Variants in OPCML observed in about 807,000 individuals in gnomAD.
OPCML encodes the protein opioid binding protein/cell adhesion molecule like, also known as opioid-binding protein/cell adhesion molecule.
A neutral mutation model predicts 37.8 loss-of-function variants in OPCML; 13 were observed. That is an observed-to-expected ratio of 0.34 (90% CI 0.22 to 0.55). The LOEUF (loss-of-function observed/expected upper bound fraction) is 0.55. Among genes scored for constraint, OPCML ranks in the 20% least tolerant of loss-of-function variants. The pLI, the probability that OPCML is intolerant of heterozygous loss-of-function variation, is 0.91. For missense variants in OPCML, 341 were observed against 435.6 expected (o/e 0.78, Z 1.93); for synonymous variants, 176 against 168.8 (o/e 1.04, Z -0.33).
At chr11:132,719,892 A>C (rs976372911) in intron 2 of OPCML, among the ~76,000 whole-genome samples, 20 of 151,914 alleles carry the variant, frequency 1.3e-4, no homozygotes, top group African/African-American at 4.8e-4. Context: ...CTCCACATGC[A>C]CTCCAGGAAG....
intron 1 of OPCML, chr11:133,360,363 C>G (rs1384210310): frequency 6.6e-6 from 1 of 152,246 alleles, no homozygotes; most frequent in African/African-American, 2.4e-5. Flanking sequence ...AGATTCCATG[C>G]CATTCCTTCA....
At chr11:132,955,267 A>G (rs2136706659) in intron 1 of OPCML, among the ~76,000 whole-genome samples, 1 of 152,238 alleles carries the variant, frequency 6.6e-6, no homozygotes, top group African/African-American at 2.4e-5. Flanking sequence ...AAGGTGTTGT[A>G]CAGCTGCCTG....
At chr11:133,458,734 GATGCACGTGTGTGTATA>G (rs1471560174) in intron 1 of OPCML, among the ~76,000 whole-genome samples, 1 of 108,222 alleles carries the variant, frequency 9.2e-6, no homozygotes, top group African/African-American at 5.1e-5. Context: ...TATACACATA[GATGCACGTGTGTGTATA>G]TATACACATA....
chr11:133,488,992 C>A (rs1947594065), intron 1 of OPCML, among the ~76,000 whole-genome samples: 2 of 145,502 alleles, frequency 1.4e-5, no homozygotes, highest in South Asian at 4.3e-4. Context: ...AGGACACCCT[C>A]TTCACTAAAT....
intron 2 of OPCML, among the ~76,000 whole-genome samples, chr11:132,686,288 C>T (rs920815151): frequency 5.9e-5 from 9 of 152,174 alleles, no homozygotes; most frequent in Non-Finnish European, 7.3e-5. Context: ...AACCACAGTG[C>T]CTTGCCTCGG....
intron 2 of OPCML, among the ~76,000 whole-genome samples, chr11:132,798,148 G>A (rs1207707678): frequency 1.3e-5 from 2 of 152,022 alleles, no homozygotes; most frequent in Non-Finnish European, 2.9e-5. Context: ...TCGGCTCACC[G>A]CAACCTCCGC....
intron 3 of OPCML, among the ~76,000 whole-genome samples, chr11:132,566,232 T>C (rs2096422758): frequency 6.6e-6 from 1 of 152,236 alleles, no homozygotes; most frequent in Non-Finnish European, 1.5e-5. Context: ...TAATCTTTTA[T>C]GAAATCTTTG....
At chr11:132,895,132 T>C (rs1269882623) in intron 2 of OPCML, among the ~76,000 whole-genome samples, 1 of 152,208 alleles carries the variant, frequency 6.6e-6, no homozygotes, top group East Asian at 1.9e-4. Context: ...AAGACTCTAC[T>C]TCTAACAGCA....
intron 1 of OPCML, chr11:133,418,273 G>A: frequency 1.0e-6 from 1 of 985,370 alleles, no homozygotes; most frequent in Non-Finnish European, 1.2e-6. Flanking sequence ...CCATTCTAGA[G>A]TGACATGGGA....
intron 1 of OPCML, among the ~76,000 whole-genome samples, chr11:133,002,476 T>C (rs1486257899): frequency 6.6e-6 from 1 of 152,214 alleles, no homozygotes; most frequent in Non-Finnish European, 1.5e-5. Context: ...TGAGTAAGCC[T>C]CTTAACACTT....
At chr11:133,096,118 AT>A (rs1369980287) in intron 1 of OPCML, among the ~76,000 whole-genome samples, 1 of 126,704 alleles carries the variant, frequency 7.9e-6, no homozygotes, top group Non-Finnish European at 1.6e-5. Context: ...GCAACAAGGT[AT>A]TTGTGCACAA....
intron 1 of OPCML, among the ~76,000 whole-genome samples, chr11:133,323,397 G>A (rs1216734846): frequency 5.3e-5 from 8 of 152,286 alleles, no homozygotes; most frequent in Non-Finnish European, 1.0e-4. Flanking sequence ...AAATCTGAAT[G>A]TAAATGGAAA....
chr11:133,506,323 C>T, intron 1 of OPCML, among the ~76,000 whole-genome samples: 1 of 152,128 alleles, frequency 6.6e-6, no homozygotes, highest in East Asian at 1.9e-4. Flanking sequence ...CAAAGAACTC[C>T]CCAGAGCCCT....
intron 1 of OPCML, among the ~76,000 whole-genome samples, chr11:133,161,981 C>CTTTTTTTT: frequency 1.1e-5 from 1 of 91,614 alleles, no homozygotes; most frequent in South Asian, 4.4e-4. Flanking sequence ...GAGGCAGTCT[C>CTTTTTTTT]TGTCTTTTTT....
At chr11:133,309,035 A>G (rs1230037727) in intron 1 of OPCML, among the ~76,000 whole-genome samples, 2 of 152,234 alleles carry the variant, frequency 1.3e-5, no homozygotes, top group African/African-American at 4.8e-5. Flanking sequence ...ATTAACAAAC[A>G]TAGAAAGAAT....
At chr11:133,004,890 T>C in intron 1 of OPCML, 1 of 985,388 alleles carries the variant, frequency 1.0e-6, no homozygotes, top group Non-Finnish European at 1.2e-6. Flanking sequence ...CTAGGTCCAC[T>C]GTATCCCTCA....
At chr11:133,458,848 C>CACGTGTGTGTGTATATACACATAGATGA (rs1946788681) in intron 1 of OPCML, among the ~76,000 whole-genome samples, 1 of 149,624 alleles carries the variant, frequency 6.7e-6, no homozygotes, top group African/African-American at 2.5e-5. Context: ...CACATAGATG[C>CACGTGTGTGTGTATATACACATAGATGA]ACGTGTGTGT....
chr11:132,704,270 T>C (rs117417356), intron 2 of OPCML, among the ~76,000 whole-genome samples: 1,987 of 152,314 alleles, frequency 0.013, 20 homozygotes, highest in South Asian at 0.046. Flanking sequence ...TCTCTCATAT[T>C]TTTTCTGAAG....
In OPCML at chr11:133,488,380, A is replaced by G. The variant is rs1378015992; in HGVS notation, c.61+43884T>C. 2.6e-5 allele frequency among the ~76,000 whole-genome samples: 4 copies of G among 152,250 alleles called. No homozygotes were observed. In the South Asian group the frequency reaches 8.3e-4, roughly 32 times the overall value. ...CTAGAAAACTCTAGATACCACCAAAAATCTCTTATATTAGATAAACAAATT... is the reference window on the plus strand; with the variant it reads ...CTAGAAAACTCTAGATACCACCAAAGATCTCTTATATTAGATAAACAAATT... On this transcript the variant is annotated intron_variant, in intron 1 of 7. Transcript: ENST00000524381.
Sources: allele counts gnomAD v4.1 joint callset (sites outside exome capture counted in the v4.1 genomes callset), GRCh38; gene constraint gnomAD v4.1.1; transcripts MANE v1.5; gene names NCBI Gene and HGNC (gene_info 2026-07-23, HGNC 2026-07-21).